ABCA13: variants seen among roughly 807,000 people sequenced by gnomAD.
ABCA13 encodes ATP binding cassette subfamily A member 13.
Under a neutral mutation model 478.7 loss-of-function variants are expected in ABCA13, and 476 were observed. The ratio of observed to expected loss-of-function variants is 0.99; its 90% CI spans 0.92 to 1.07. The LOEUF is 1.07. Ranked by LOEUF, ABCA13 falls within the 50% of genes least tolerant of loss-of-function variation. The probability of loss-of-function intolerance (pLI) is 0.00; values close to 1 mark genes in which losing one functional copy is unlikely to be tolerated. For synonymous variants in ABCA13, 2,252 were observed against 2,158.9 expected (o/e 1.04, Z -1.20); for missense variants, 6,060 against 5,910.6 (o/e 1.03, Z -0.83).
intron 7 of ABCA13, among the ~76,000 whole-genome samples, chr7:48,231,216 G>A (rs180810062): frequency 6.0e-5 from 9 of 149,612 alleles, no homozygotes; most frequent in Non-Finnish European, 1.2e-4. Flanking sequence ...GTCATGTTTA[G>A]TAAAGGAGAG....
chr7:48,550,683 A>T (rs149010714), intron 55 of ABCA13, among the ~76,000 whole-genome samples: 5 of 151,642 alleles, frequency 3.3e-5, no homozygotes, highest in African/African-American at 1.2e-4. Flanking sequence ...CTATTTATCT[A>T]TCTACGTACC....
In ABCA13 at chr7:48,446,466, G is replaced by A. The variant is rs911677129; in HGVS notation, c.12566-8571G>A. Among the ~76,000 whole-genome samples the A allele has an allele frequency of 4.0e-5, 6 of 149,816 alleles. No individual in the cohort carries two copies. The East Asian group carries it at 1.2e-3, about 29-fold the overall frequency. On this transcript the variant is annotated intron_variant, in intron 42 of 61. Transcript: ENST00000435803. ...ATTTACATTTTCAGCTCTATGATCTGCCACTACCACTTTACATACAGTTCT... is the reference window on the plus strand; with the variant it reads ...ATTTACATTTTCAGCTCTATGATCTACCACTACCACTTTACATACAGTTCT...
chr7:48,197,415 A>G (rs180805432), intron 2 of ABCA13, among the ~76,000 whole-genome samples: 2 of 152,278 alleles, frequency 1.3e-5, no homozygotes, highest in East Asian at 3.9e-4. Flanking sequence ...GGTAGAATGA[A>G]CATTTGACCT....
intron 37 of ABCA13, 33 bp from the exon 38 acceptor site, chr7:48,391,888 G>A (rs780744708): frequency 3.8e-6 from 6 of 1,596,956 alleles, no homozygotes; most frequent in East Asian, 2.3e-5. Flanking sequence ...TCAGCAACGC[G>A]TATTCTCCAT....
intron 58 of ABCA13, among the ~76,000 whole-genome samples, chr7:48,608,275 T>G (rs1156675892): frequency 1.3e-5 from 2 of 152,262 alleles, no homozygotes; most frequent in Non-Finnish European, 2.9e-5. Context: ...CTCAACCACC[T>G]GAGGCCAACA....
intron 45 of ABCA13, among the ~76,000 whole-genome samples, chr7:48,472,853 T>C (rs1827654383): frequency 1.3e-5 from 2 of 152,160 alleles, no homozygotes; most frequent in Admixed American, 1.3e-4. Context: ...CTCCTCCTAC[T>C]GTGCATGCAT....
intron 57 of ABCA13, among the ~76,000 whole-genome samples, chr7:48,588,472 T>C (rs1317388822): frequency 6.6e-6 from 1 of 152,216 alleles, no homozygotes; most frequent in Non-Finnish European, 1.5e-5. Context: ...GACCCTGACA[T>C]GCTTTTCTTT....
chr7:48,312,460 A>G (rs1343538987), intron 24 of ABCA13, among the ~76,000 whole-genome samples: 2 of 151,960 alleles, frequency 1.3e-5, no homozygotes, highest in Non-Finnish European at 2.9e-5. Context: ...AAAAAAAATC[A>G]TGTAAAATAC....
At position 48,279,186 on chromosome 7, in the gene ABCA13, A is replaced by C. The variant is rs1463814068; in HGVS notation, c.7992A>C (p.Gln2664His). The change falls in exon 18 of 62, where the codon CAA (glutamine) becomes CAC (histidine). Residue 2664 changes from glutamine (Q) to histidine (H), a missense_variant. Gln to His is a conservative substitution (Grantham distance 24). Transcript: ENST00000435803. ...CGGTAGCATTTAACAATGAGACTCA[A>C]ACATTTTCTATGGATTCTGTCAACT... ...SLAVAFNNET[Q>H]TFSMDSVNLR... The C allele has an allele frequency of 1.9e-6, 3 of 1,598,324 alleles. No homozygotes were observed. In the East Asian group the frequency reaches 6.7e-5, roughly 36 times the overall value.
intron 45 of ABCA13, among the ~76,000 whole-genome samples, chr7:48,480,529 G>T (rs1828650061): frequency 6.6e-6 from 1 of 152,240 alleles, no homozygotes; most frequent in African/African-American, 2.4e-5. Flanking sequence ...TGGGTTTTGC[G>T]TTGTGTTGAT....
chr7:48,449,477 A>G (rs1194734323), intron 42 of ABCA13, among the ~76,000 whole-genome samples: 1 of 152,210 alleles, frequency 6.6e-6, no homozygotes, highest in African/African-American at 2.4e-5. Context: ...AGAGTACCCT[A>G]TCTAACAGGG....
intron 35 of ABCA13, among the ~76,000 whole-genome samples, chr7:48,377,208 A>AT (rs1316714923): frequency 6.6e-6 from 1 of 151,706 alleles, no homozygotes; most frequent in African/African-American, 2.4e-5. Flanking sequence ...AAAAAAAAAA[A>AT]GGCCAGTAAT....
intron 23 of ABCA13, among the ~76,000 whole-genome samples, chr7:48,309,668 T>C (rs6969141): frequency 0.7 from 106,039 of 151,944 alleles, 37,765 homozygotes; most frequent in East Asian, 0.96. Context: ...GTGAGCCTCG[T>C]GGAGAGCAGA....
intron 59 of ABCA13, among the ~76,000 whole-genome samples, chr7:48,617,848 A>T (rs1792741431): frequency 6.6e-6 from 1 of 152,120 alleles, no homozygotes; most frequent in Admixed American, 6.5e-5. Flanking sequence ...TGAAGTGGGG[A>T]AAGTGGAAAA....
intron 59 of ABCA13, among the ~76,000 whole-genome samples, chr7:48,616,079 T>C (rs1055185726): frequency 3.8e-5 from 2 of 53,290 alleles, no homozygotes; most frequent in South Asian, 1.1e-3. Context: ...CCTGTCATTC[T>C]ATGTAGAATA....
At chr7:48,631,962 C>T (rs1375956604) in intron 59 of ABCA13, among the ~76,000 whole-genome samples, 1 of 152,060 alleles carries the variant, frequency 6.6e-6, no homozygotes, top group African/African-American at 2.4e-5. Flanking sequence ...ATTTGATTCT[C>T]AGCTTGGTTG....
intron 27 of ABCA13, among the ~76,000 whole-genome samples, chr7:48,318,237 C>T (rs184846358): frequency 4.6e-4 from 70 of 152,332 alleles, no homozygotes; most frequent in Non-Finnish European, 7.5e-4. Context: ...GCACTGTTTC[C>T]TGTAAGTTCC....
intron 42 of ABCA13, among the ~76,000 whole-genome samples, chr7:48,437,430 G>A (rs1213963100): frequency 1.3e-5 from 2 of 151,928 alleles, no homozygotes; most frequent in African/African-American, 2.4e-5. Flanking sequence ...TGTGTCTCTT[G>A]TAGAAGGCAT....
intron 32 of ABCA13, among the ~76,000 whole-genome samples, chr7:48,368,173 C>T (rs1313218505): frequency 6.6e-6 from 1 of 152,166 alleles, no homozygotes; most frequent in African/African-American, 2.4e-5. Context: ...CAGTGTTCCT[C>T]ATTCAGCAAC....
Sources: allele counts gnomAD v4.1 joint callset (sites outside exome capture counted in the v4.1 genomes callset), GRCh38; gene constraint gnomAD v4.1.1; transcripts MANE v1.5; gene names NCBI Gene and HGNC (gene_info 2026-07-23, HGNC 2026-07-21).